The following DGKB variants were observed in gnomAD, a reference collection of about 807,000 sequenced individuals.
The protein encoded by DGKB is 90 kDa diacylglycerol kinase.
A neutral mutation model predicts 114.3 loss-of-function variants in DGKB; 67 were observed. The ratio of observed to expected loss-of-function variants is 0.59; its 90% confidence interval spans 0.48 to 0.72. The LOEUF (loss-of-function observed/expected upper bound fraction) is 0.72. Among genes scored for constraint, DGKB ranks in the 30% least tolerant of loss-of-function variants. DGKB has a pLI of 0.00. For synonymous variants in DGKB, 398 were observed against 323.1 expected, an observed-to-expected ratio of 1.23 and a Z score of -2.49; for missense variants, 907 against 975.2, an observed-to-expected ratio of 0.93 and a Z score of 0.93.
At chr7:14,952,072 G>A (rs1361264325) in intron 1 of DGKB, among the ~76,000 whole-genome samples, 1 of 147,994 alleles carries the variant, frequency 6.8e-6, no homozygotes, top group Non-Finnish European at 1.5e-5. Context: ...ATTGCTTGCA[G>A]TTAATCCAGT....
chr7:14,522,881 A>G (rs1262424358), intron 20 of DGKB, among the ~76,000 whole-genome samples: 1 of 152,186 alleles, frequency 6.6e-6, no homozygotes, highest in African/African-American at 2.4e-5. Flanking sequence ...AGAGAAATAT[A>G]TGGTATTCTT....
chr7:14,614,037 C>T (rs1469294787), intron 15 of DGKB, among the ~76,000 whole-genome samples: 1 of 152,190 alleles, frequency 6.6e-6, no homozygotes, highest in Non-Finnish European at 1.5e-5. Context: ...AACTATTGAT[C>T]TCTCTTTCAG....
At chr7:14,238,065 GAA>G (rs1440212045) in intron 23 of DGKB, among the ~76,000 whole-genome samples, 3 of 151,962 alleles carry the variant, frequency 2.0e-5, no homozygotes, top group African/African-American at 7.2e-5. Flanking sequence ...TCGGGTTGGT[GAA>G]AGGAAAATTT....
At chr7:14,189,180 G>T (rs1160200800) in intron 23 of DGKB, among the ~76,000 whole-genome samples, 1 of 152,090 alleles carries the variant, frequency 6.6e-6, no homozygotes, top group Non-Finnish European at 1.5e-5. Flanking sequence ...TAGTATGAAC[G>T]TTTAATGTCA....
chr7:14,176,116 C>G (rs1478861395), intron 25 of DGKB: 1 of 153,626 alleles, frequency 6.5e-6, no homozygotes, highest in African/African-American at 2.4e-5. Context: ...ATAACTCTCA[C>G]AGTCTGAAGT....
At chr7:14,652,411 G>T (rs74338788) in intron 13 of DGKB, among the ~76,000 whole-genome samples, 3 of 150,732 alleles carry the variant, frequency 2.0e-5, no homozygotes, top group Admixed American at 6.6e-5. Context: ...AGGATTCCCT[G>T]TTTAATAAAT....
At chr7:14,712,733 C>G (rs1435123719) in intron 6 of DGKB, among the ~76,000 whole-genome samples, 2 of 151,782 alleles carry the variant, frequency 1.3e-5, no homozygotes, top group Non-Finnish European at 2.9e-5. Context: ...CAATTATTAA[C>G]TCCATGGAAA....
At chr7:14,704,523 C>A (rs1825827100) in intron 6 of DGKB, among the ~76,000 whole-genome samples, 2 of 151,618 alleles carry the variant, frequency 1.3e-5, no homozygotes, top group Admixed American at 1.3e-4. Context: ...CTCCGGTCTA[C>A]AGCTCCCAGC....
At chr7:14,929,902 G>A (rs938876125) in intron 1 of DGKB, among the ~76,000 whole-genome samples, 2 of 152,122 alleles carry the variant, frequency 1.3e-5, no homozygotes, top group Admixed American at 6.5e-5. Flanking sequence ...TTTTGTATAT[G>A]TTGAGAGATA....
intron 21 of DGKB, among the ~76,000 whole-genome samples, chr7:14,426,706 A>G (rs1827603310): frequency 6.6e-6 from 1 of 152,078 alleles, no homozygotes; most frequent in Admixed American, 6.6e-5. Flanking sequence ...GGGGCCTTCA[A>G]TTTAAAATTT....
chr7:14,922,231 G>A (rs371832161), intron 1 of DGKB, among the ~76,000 whole-genome samples: 3 of 152,000 alleles, frequency 2.0e-5, no homozygotes, highest in East Asian at 1.9e-4. Flanking sequence ...CCAGAGCAAC[G>A]ACATTTACAA....
chr7:14,559,634 A>T (rs74932333), intron 20 of DGKB, among the ~76,000 whole-genome samples: 3,096 of 152,304 alleles, frequency 0.02, 110 homozygotes, highest in African/African-American at 0.069. Context: ...ATTTTTTGTT[A>T]CATCATGAAT....
chr7:14,164,666 A>G (rs1368079411), intron 25 of DGKB, among the ~76,000 whole-genome samples: 1 of 152,188 alleles, frequency 6.6e-6, no homozygotes, highest in Non-Finnish European at 1.5e-5. Flanking sequence ...GGAAACAATA[A>G]TGATGTTGCT....
At chr7:14,950,248 A>C (rs933787939) in intron 1 of DGKB, among the ~76,000 whole-genome samples, 3 of 151,966 alleles carry the variant, frequency 2.0e-5, no homozygotes, top group Non-Finnish European at 2.9e-5. Flanking sequence ...AATGAAATGC[A>C]GCTAATACAA....
intron 21 of DGKB, among the ~76,000 whole-genome samples, chr7:14,402,526 A>T (rs1823301254): frequency 6.6e-6 from 1 of 151,892 alleles, no homozygotes; most frequent in South Asian, 2.1e-4. Context: ...ATTAGAGTCA[A>T]ATTTGCTACT....
intron 20 of DGKB, among the ~76,000 whole-genome samples, chr7:14,530,269 G>A (rs1791358216): frequency 1.3e-5 from 2 of 151,360 alleles, no homozygotes; most frequent in South Asian, 4.2e-4. Flanking sequence ...CATACAAAAA[G>A]AGAAAATAAT....
intron 1 of DGKB, among the ~76,000 whole-genome samples, chr7:14,844,163 C>T (rs1317105135): frequency 6.6e-6 from 1 of 152,216 alleles, no homozygotes; most frequent in Non-Finnish European, 1.5e-5. Context: ...GTTGGTGAAG[C>T]ATATAGAAAA....
At chr7:14,293,957 A>G (rs1326311169) in intron 23 of DGKB, among the ~76,000 whole-genome samples, 2 of 152,224 alleles carry the variant, frequency 1.3e-5, no homozygotes, top group Admixed American at 6.5e-5. Flanking sequence ...AAAGCAACAC[A>G]GATTTCTTAT....
At chr7:14,153,345 G>A (rs1782506970) in intron 25 of DGKB, among the ~76,000 whole-genome samples, 1 of 152,086 alleles carries the variant, frequency 6.6e-6, no homozygotes, top group Non-Finnish European at 1.5e-5. Context: ...TAGAACAGAG[G>A]TGGATCTATT....
Sources: gnomAD v4.1 joint callset for allele counts (sites outside exome capture counted in the v4.1 genomes callset) on GRCh38, gnomAD v4.1.1 for gene constraint, MANE v1.5 for transcripts, NCBI Gene and HGNC (gene_info 2026-07-23, HGNC 2026-07-21) for gene names.